The following ATP10A variants were observed in gnomAD, a reference collection of about 807,000 sequenced individuals.
ATP10A encodes the protein phospholipid-transporting ATPase VA.
In ATP10A, 111 loss-of-function variants were observed where a neutral mutation model predicts 147.8. That is an observed-to-expected ratio of 0.75 (90% CI 0.64 to 0.88). The LOEUF (loss-of-function observed/expected upper bound fraction) is 0.88, where lower values mean the gene tolerates loss of function less well. Ranked by LOEUF, ATP10A falls within the 40% of genes least tolerant of loss-of-function variation. The pLI is 0.00. For missense variants in ATP10A, 1,927 were observed against 1,959.0 expected (o/e 0.98, Z 0.31); for synonymous variants, 875 against 841.6 (o/e 1.04, Z -0.69).
intron 2 of ATP10A, among the ~76,000 whole-genome samples, chr15:25,778,975 C>T (rs1012089592): frequency 6.6e-6 from 1 of 152,100 alleles, no homozygotes; most frequent in African/African-American, 2.4e-5. Flanking sequence ...CTCCCGGGTT[C>T]AAGCGATTCT....
chr15:25,728,005 C>T (rs184867299), intron 3 of ATP10A, among the ~76,000 whole-genome samples: 1 of 152,308 alleles, frequency 6.6e-6, no homozygotes, highest in Non-Finnish European at 1.5e-5. Context: ...GGAACTGTAG[C>T]CCAGGCCTGC....
Position 25,726,047 on chromosome 15 carries a change from G to T in ATP10A, c.883C>A (p.Pro295Thr). Residue 295 changes from proline (P) to threonine (T), a missense_variant, in exon 5 of 21, where the codon CCC becomes ACC. Coordinates refer to ENST00000555815, the MANE Select transcript of ATP10A (RefSeq NM_024490.4). ...TCCAGCTTGCTGCGCTTGTAGCGGG[G>T]CCCACTGTTGTTCAGCAGAGCCTTG... ...ETKALLNNSG[P>T]RYKRSKLERQ... is the part of the protein sequence containing the mutation. The T allele has an allele frequency of 6.2e-7, 1 of 1,614,058 alleles. No individual in the cohort carries two copies.
intron 1 of ATP10A, among the ~76,000 whole-genome samples, chr15:25,839,926 CGT>C (rs1209195027): frequency 1.3e-5 from 2 of 152,056 alleles, no homozygotes; most frequent in Non-Finnish European, 2.9e-5. Context: ...CATTCGTGTG[CGT>C]GTGTGTGCGC....
chr15:25,763,445 C>T (rs370491234), intron 2 of ATP10A, among the ~76,000 whole-genome samples: 113 of 152,324 alleles, frequency 7.4e-4, no homozygotes, highest in African/African-American at 2.5e-3. Context: ...GGCTCTCCAG[C>T]ATCCCTTCCA....
chr15:25,824,448 T>C (rs1396047584), intron 1 of ATP10A, among the ~76,000 whole-genome samples: 1 of 143,782 alleles, frequency 7.0e-6, no homozygotes, highest in Admixed American at 7.2e-5. Context: ...CACTCCAGCC[T>C]GGACAAGGGA....
chr15:25,742,863 G>A (rs567359696), intron 2 of ATP10A, among the ~76,000 whole-genome samples: 68 of 152,310 alleles, frequency 4.5e-4, no homozygotes, highest in Non-Finnish European at 8.8e-4. Context: ...CCCGCCTGCA[G>A]CCCCTCTGCT....
At chr15:25,720,248 G>GT (rs1459850102) in intron 7 of ATP10A, among the ~76,000 whole-genome samples, 5 of 152,184 alleles carry the variant, frequency 3.3e-5, no homozygotes, top group Admixed American at 3.3e-4. Context: ...TGTGTACAAT[G>GT]TGGCATGATT....
chr15:25,717,105 G>A (rs1901868352), intron 8 of ATP10A, among the ~76,000 whole-genome samples, 181 bp from the exon 9 acceptor site: 1 of 152,070 alleles, frequency 6.6e-6, no homozygotes, highest in Admixed American at 6.5e-5. Context: ...AAAATATACA[G>A]AGCTTCTATC....
At chr15:25,725,099 C>CA (rs1902460935) in intron 5 of ATP10A, among the ~76,000 whole-genome samples, 1 of 152,114 alleles carries the variant, frequency 6.6e-6, no homozygotes, top group South Asian at 2.1e-4. Flanking sequence ...ACCTGAGCCC[C>CA]GTCTCCCGTC....
At chr15:25,848,840 T>C (rs995757550) in intron 1 of ATP10A, 1 of 153,648 alleles carries the variant, frequency 6.5e-6, no homozygotes, top group African/African-American at 2.4e-5. Flanking sequence ...TCATGGGACC[T>C]AAGGGAGGGC....
intron 1 of ATP10A, among the ~76,000 whole-genome samples, chr15:25,846,795 G>A (rs1386949088): frequency 6.6e-6 from 1 of 152,152 alleles, no homozygotes; most frequent in Non-Finnish European, 1.5e-5. Flanking sequence ...TCACAGGAGT[G>A]CAGAAAAACA....
At chr15:25,824,488 A>G (rs1892024384) in intron 1 of ATP10A, among the ~76,000 whole-genome samples, 1 of 143,596 alleles carries the variant, frequency 7.0e-6, no homozygotes, top group South Asian at 2.2e-4. Context: ...AAAAAAAAAT[A>G]GAAAAAAGAA....
chr15:25,697,843 T>C (rs902241980), intron 13 of ATP10A, among the ~76,000 whole-genome samples: 2 of 152,178 alleles, frequency 1.3e-5, no homozygotes, highest in Non-Finnish European at 2.9e-5. Context: ...GCATGTACCC[T>C]TGATAGGATA....
rs568817512 is a variant in ATP10A, at chr15:25,744,060, C to T, written c.655-7919G>A. ...CCTACCAAGAGAGGGGCCTGATAAA[C>T]ACCTATGCTTTCTAACGCAACCAGG... On this transcript the variant is annotated intron_variant, in intron 2 of 20. Transcript: ENST00000555815. Among the ~76,000 whole-genome samples, 11 of 152,224 alleles carry T rather than the reference C, an allele frequency of 7.2e-5. No individual in the cohort carries two copies. In the South Asian group the frequency reaches 2.3e-3, roughly 32 times the overall value.
At chr15:25,806,898 A>G (rs922150144) in intron 1 of ATP10A, among the ~76,000 whole-genome samples, 2 of 152,204 alleles carry the variant, frequency 1.3e-5, no homozygotes, top group Non-Finnish European at 2.9e-5. Flanking sequence ...ACTTCAAACT[A>G]TAACTCCTTC....
intron 1 of ATP10A, among the ~76,000 whole-genome samples, chr15:25,819,684 C>T (rs1891800992): frequency 1.3e-5 from 2 of 152,216 alleles, no homozygotes; most frequent in East Asian, 1.9e-4. Flanking sequence ...CCTAAGTGTC[C>T]ATCAAAGGAT....
rs1309224693 is a variant in ATP10A at position 25,686,634 on chromosome 15, C to T, written c.3291+1069G>A. On this transcript the variant is annotated intron_variant, in intron 16 of 20. Transcript: ENST00000555815. ...ATAGGATAATCTTGACACTGGAGTT[C>T]TGGTGTTTAGCCAGGTAGATTTATG... Among the ~76,000 whole-genome samples the T allele has an allele frequency of 6.5e-5, 7 of 107,708 alleles. 3 individuals carry two copies. Among genetic ancestry groups the T allele is most frequent in the African/African-American group, 2.6e-4 (4 of 15,480 alleles). 70.7% of individuals were successfully genotyped at this position (107,708 alleles called of 152,430 possible).
intron 2 of ATP10A, among the ~76,000 whole-genome samples, chr15:25,739,405 G>C (rs1212646001): frequency 6.6e-6 from 1 of 152,200 alleles, no homozygotes; most frequent in African/African-American, 2.4e-5. Flanking sequence ...AAAAAATCAG[G>C]AGCGAGCCCG....
downstream of ATP10A, chr15:25,678,168 G>A (rs1899177112): frequency 6.6e-6 from 1 of 151,906 alleles, no homozygotes; most frequent in African/African-American, 2.4e-5. Context: ...TGTGACTTGC[G>A]ATGGCCCACA....
Sources: allele counts gnomAD v4.1 joint callset (sites outside exome capture counted in the v4.1 genomes callset), GRCh38; gene constraint gnomAD v4.1.1; transcripts MANE v1.5; gene names NCBI Gene and HGNC (gene_info 2026-07-23, HGNC 2026-07-21).